The following ADTRP variants were observed in gnomAD, a reference collection of about 807,000 sequenced individuals.
The protein encoded by ADTRP is androgen dependent TFPI regulating protein, also known as androgen-dependent TFPI-regulating protein.
Under a neutral mutation model 27.0 loss-of-function variants are expected in ADTRP, and 20 were observed. The ratio of observed to expected loss-of-function variants is 0.74; its 90% CI spans 0.52 to 1.08. ADTRP has a LOEUF of 1.08. Among genes scored for constraint, ADTRP ranks in the 50% least tolerant of loss-of-function variants. The pLI is 0.00. For missense variants in ADTRP, 251 were observed against 275.0 expected (o/e 0.91, Z 0.62); for synonymous variants, 101 against 105.2 (o/e 0.96, Z 0.25).
chr6:11,719,764 G>A (rs1022720674), intron 5 of ADTRP, among the ~76,000 whole-genome samples: 1 of 152,194 alleles, frequency 6.6e-6, no homozygotes, highest in South Asian at 2.1e-4. Flanking sequence ...ACCTGAGGAC[G>A]TGCATCATCT....
chr6:11,752,475 A>G (rs754440056), intron 3 of ADTRP, among the ~76,000 whole-genome samples: 2 of 152,186 alleles, frequency 1.3e-5, no homozygotes, highest in Non-Finnish European at 2.9e-5. Context: ...AGGGATTCCA[A>G]GGAGGAAGGG....
chr6:11,765,319 GTTTGTTTTT>G (rs976796837), intron 3 of ADTRP, among the ~76,000 whole-genome samples: 4 of 112,526 alleles, frequency 3.6e-5, no homozygotes, highest in Non-Finnish European at 7.1e-5. Context: ...CTTTCCCCTG[GTTTGTTTTT>G]TTTTTTTTTT....
chr6:11,757,641 G>T (rs2113303359), intron 3 of ADTRP, among the ~76,000 whole-genome samples: 1 of 152,294 alleles, frequency 6.6e-6, no homozygotes, highest in Non-Finnish European at 1.5e-5. Context: ...TTATAAAAAA[G>T]GAGAAGAGGC....
At chr6:11,752,630 C>T (rs2113289543) in intron 3 of ADTRP, among the ~76,000 whole-genome samples, 1 of 152,340 alleles carries the variant, frequency 6.6e-6, no homozygotes, top group South Asian at 2.1e-4. Context: ...TTGATCTCAG[C>T]TACTCGCAGG....
chr6:11,765,081 T>C (rs546235290), intron 3 of ADTRP, among the ~76,000 whole-genome samples: 44 of 133,496 alleles, frequency 3.3e-4, no homozygotes, highest in Non-Finnish European at 6.4e-4. Flanking sequence ...AGCTGTGGTC[T>C]ATTAGTCAGT....
rs115489595 is a variant in ADTRP at position 11,766,374 on chromosome 6, A to T, written c.290T>A (p.Phe97Tyr). ...FTTLAFPVST[F>Y]VFLAFWILFL... ...GAGGATCCAGAATGCCAAAAATACA[A>T]ACTGGAAAATAAAACACAAAAAATA... The change falls in exon 3 of 6, where the codon TTT becomes TAT. Residue 97 changes from phenylalanine (F) to tyrosine (Y), a missense_variant and splice_region_variant. Phe to Tyr is a conservative substitution (Grantham distance 22). Transcript: ENST00000414691. 5,122 of 1,609,014 alleles carry T rather than the reference A, an allele frequency of 3.2e-3. 161 individuals are homozygous for T. The African/African-American group carries it at 0.06, about 19-fold the overall frequency.
At chr6:11,724,587 A>G (rs933757668) in intron 4 of ADTRP, among the ~76,000 whole-genome samples, 10 of 152,152 alleles carry the variant, frequency 6.6e-5, no homozygotes, top group Admixed American at 1.3e-4. Flanking sequence ...AAATAACTTT[A>G]AAAAATTAAA....
intron 5 of ADTRP, among the ~76,000 whole-genome samples, chr6:11,716,725 T>TA (rs1761842909): frequency 2.3e-5 from 1 of 42,702 alleles, no homozygotes; most frequent in African/African-American, 5.2e-5. Flanking sequence ...TTTTCTTTTT[T>TA]TTTTTTTGAG....
At chr6:11,755,904 C>T (rs1481443006) in intron 3 of ADTRP, among the ~76,000 whole-genome samples, 1 of 152,198 alleles carries the variant, frequency 6.6e-6, no homozygotes, top group Admixed American at 6.5e-5. Flanking sequence ...CAAGGGCCTT[C>T]CCCTTGGGAT....
intron 1 of ADTRP, among the ~76,000 whole-genome samples, chr6:11,776,986 G>C (rs991107707): frequency 3.9e-5 from 6 of 152,240 alleles, no homozygotes; most frequent in Non-Finnish European, 7.3e-5. Context: ...TGAATGGACA[G>C]TAAAGAGATG....
At chr6:11,767,231 G>A (rs1476793235) in intron 2 of ADTRP, among the ~76,000 whole-genome samples, 1 of 152,152 alleles carries the variant, frequency 6.6e-6, no homozygotes, top group Non-Finnish European at 1.5e-5. Context: ...AAAGTAGCCA[G>A]GTGAGACAGG....
intron 1 of ADTRP, among the ~76,000 whole-genome samples, chr6:11,773,033 ACC>A (rs1763836429): frequency 6.6e-6 from 1 of 152,158 alleles, no homozygotes. Context: ...GGGATAAAAC[ACC>A]TTCATGATGG....
intron 1 of ADTRP, among the ~76,000 whole-genome samples, chr6:11,774,272 G>A (rs1211754190): frequency 1.3e-5 from 2 of 151,428 alleles, no homozygotes; most frequent in Non-Finnish European, 1.5e-5. Context: ...TTGTGCCACT[G>A]CACTCCAGCC....
chr6:11,717,091 A>G, intron 5 of ADTRP: 1 of 406,032 alleles, frequency 2.5e-6, no homozygotes, highest in Non-Finnish European at 4.2e-6. Context: ...AATAGATCAT[A>G]TATCTTACCC....
chr6:11,730,667 C>T (rs1762354181), intron 4 of ADTRP, among the ~76,000 whole-genome samples: 1 of 152,190 alleles, frequency 6.6e-6, no homozygotes, highest in Admixed American at 6.5e-5. Flanking sequence ...GGATCTTACC[C>T]TGGAGAGCAC....
At chr6:11,764,849 C>T (rs561524678) in intron 3 of ADTRP, among the ~76,000 whole-genome samples, 1 of 146,722 alleles carries the variant, frequency 6.8e-6, no homozygotes, top group South Asian at 2.1e-4. Flanking sequence ...TTAAATGAGC[C>T]CATACCTGAA....
At chr6:11,774,287 G>T (rs1353676573) in intron 1 of ADTRP, among the ~76,000 whole-genome samples, 3 of 132,036 alleles carry the variant, frequency 2.3e-5, no homozygotes, top group African/African-American at 7.9e-5. Flanking sequence ...CCAGCCTGGG[G>T]GAACAGAGAG....
intron 5 of ADTRP, among the ~76,000 whole-genome samples, chr6:11,716,176 G>A (rs1460082182): frequency 4.6e-5 from 7 of 151,958 alleles, no homozygotes; most frequent in South Asian, 2.1e-4. Context: ...TTTCTACCCC[G>A]CAGTCACTCT....
chr6:11,730,467 TA>T (rs1178586314), intron 4 of ADTRP, among the ~76,000 whole-genome samples: 2 of 152,102 alleles, frequency 1.3e-5, no homozygotes, highest in Admixed American at 6.5e-5. Context: ...GAAAAATGAA[TA>T]AAAACCAGAA....
Sources: allele counts gnomAD v4.1 joint callset (sites outside exome capture counted in the v4.1 genomes callset), GRCh38; gene constraint gnomAD v4.1.1; transcripts MANE v1.5; gene names NCBI Gene and HGNC (gene_info 2026-07-23, HGNC 2026-07-21).